PIK3AP1: variants seen among roughly 807,000 people sequenced by gnomAD.
PIK3AP1 encodes the protein phosphoinositide-3-kinase adaptor protein 1, also known as phosphoinositide 3-kinase adapter protein 1.
PIK3AP1 carries 21 observed loss-of-function variants against 88.1 expected under a neutral mutation model. The ratio of observed to expected loss-of-function variants is 0.24; its 90% CI spans 0.17 to 0.34. PIK3AP1 has a LOEUF of 0.34. Ranked by LOEUF, PIK3AP1 falls within the 10% of genes least tolerant of loss-of-function variation. PIK3AP1 has a pLI of 1.00. For missense variants in PIK3AP1, 828 were observed against 1,035.7 expected (o/e 0.80, Z 2.75); for synonymous variants, 398 against 400.0 (o/e 1.00, Z 0.06).
chr10:96,691,089 A>G (rs141476647), intron 2 of PIK3AP1, among the ~76,000 whole-genome samples: 2 of 152,228 alleles, frequency 1.3e-5, no homozygotes, highest in Non-Finnish European at 2.9e-5. Flanking sequence ...AGCTTGCTTA[A>G]TTCCTCTTTT....
chr10:96,657,294 G>T (rs1173853481), intron 2 of PIK3AP1, among the ~76,000 whole-genome samples: 2 of 152,160 alleles, frequency 1.3e-5, no homozygotes, highest in Non-Finnish European at 2.9e-5. Context: ...CCCCTTAGGT[G>T]GGTTCAAGTA....
chr10:96,717,665 G>A (rs767196216), intron 1 of PIK3AP1, among the ~76,000 whole-genome samples: 1 of 152,170 alleles, frequency 6.6e-6, no homozygotes, highest in Non-Finnish European at 1.5e-5. Flanking sequence ...GGCAAGAGAC[G>A]GTATGAGAGC....
chr10:96,628,315 C>A, intron 9 of PIK3AP1, 83 bp downstream of exon 9: 2 of 1,212,196 alleles, frequency 1.6e-6, no homozygotes. Context: ...TTGAGGGGAG[C>A]AACCCTCATA....
At chr10:96,641,444 G>A (rs1008701481) in intron 8 of PIK3AP1, among the ~76,000 whole-genome samples, 3 of 152,214 alleles carry the variant, frequency 2.0e-5, no homozygotes, top group African/African-American at 7.2e-5. Flanking sequence ...GAATCAGTGA[G>A]TGAGCAAGTG....
At chr10:96,662,867 C>A (rs1368897756) in intron 2 of PIK3AP1, among the ~76,000 whole-genome samples, 1 of 106,646 alleles carries the variant, frequency 9.4e-6, no homozygotes, top group Non-Finnish European at 1.7e-5. Context: ...CCCGCCTGGG[C>A]GACAGAGCGA....
chr10:96,663,265 T>C (rs558495518), intron 2 of PIK3AP1, among the ~76,000 whole-genome samples: 2 of 152,088 alleles, frequency 1.3e-5, no homozygotes, highest in Admixed American at 1.3e-4. Context: ...TCTGTGAATA[T>C]ACGAAAAAAA....
At chr10:96,649,871 C>A (rs911347074) in intron 6 of PIK3AP1, among the ~76,000 whole-genome samples, 8 of 152,334 alleles carry the variant, frequency 5.3e-5, no homozygotes, top group Admixed American at 2.6e-4. Flanking sequence ...CTACTGACAT[C>A]TGAATACAGC....
chr10:96,634,474 T>A (rs968092532), intron 8 of PIK3AP1, among the ~76,000 whole-genome samples: 9 of 152,196 alleles, frequency 5.9e-5, no homozygotes, highest in African/African-American at 2.2e-4. Context: ...GACTTTGATA[T>A]CTTGGAGACC....
chr10:96,605,273 C>A (rs1433420001), intron 14 of PIK3AP1, among the ~76,000 whole-genome samples: 1 of 152,166 alleles, frequency 6.6e-6, no homozygotes, highest in Non-Finnish European at 1.5e-5. Flanking sequence ...TCCAATAGAA[C>A]TTTCAGGGCA....
At chr10:96,671,244 T>G (rs2134253706) in intron 2 of PIK3AP1, among the ~76,000 whole-genome samples, 1 of 152,338 alleles carries the variant, frequency 6.6e-6, no homozygotes, top group South Asian at 2.1e-4. Flanking sequence ...ATTTGTGGGT[T>G]CACAGGGTTG....
intron 2 of PIK3AP1, among the ~76,000 whole-genome samples, chr10:96,689,575 CAAA>C (rs56828361): frequency 4.3e-5 from 3 of 70,434 alleles, no homozygotes; most frequent in Admixed American, 1.8e-4. Flanking sequence ...GACTCTGTCT[CAAA>C]AAAAAAAAAA....
intron 1 of PIK3AP1, among the ~76,000 whole-genome samples, chr10:96,717,986 G>A (rs1321799878): frequency 6.6e-6 from 1 of 152,162 alleles, no homozygotes; most frequent in Non-Finnish European, 1.5e-5. Flanking sequence ...AAAAAGGAAC[G>A]AAGTACTGAT....
In PIK3AP1 at chr10:96,628,865, CATATATACACATATAT is replaced by C. The variant is rs1490846850; in HGVS notation, c.1376-388_1376-373del. Among the ~76,000 whole-genome samples, 46 of 15,846 alleles carry C rather than the reference CATATATACACATATAT, an allele frequency of 2.9e-3. 2 individuals are homozygous for C. The highest frequency in any genetic ancestry group is 3.6e-3 in the African/African-American group (45 of 12,478). The allele number at this position is 15,846 out of a possible 152,430, so 10.4% of individuals were successfully genotyped here. A position where few individuals can be genotyped will look rare whatever the true frequency, so the allele number is the denominator to read the frequency against. On this transcript the variant is annotated intron_variant, in intron 8 of 16. Coordinates refer to ENST00000339364, the MANE Select transcript of PIK3AP1 (RefSeq NM_152309.3). ...ATATAAACATATATATACACACACA[CATATATACACATATAT>C]ATATATACATATATATATATATATA...
intron 6 of PIK3AP1, 94 bp from the exon 7 acceptor site, chr10:96,648,949 C>CA: frequency 9.3e-7 from 1 of 1,070,662 alleles, no homozygotes. Context: ...ACTAGCATGG[C>CA]AACAGAAAGC....
intron 11 of PIK3AP1, 118 bp downstream of exon 11, chr10:96,623,354 T>G: frequency 2.0e-6 from 2 of 1,008,164 alleles, no homozygotes; most frequent in South Asian, 3.0e-5. Context: ...TGAGCCATGA[T>G]GCCTGGCCTA....
chr10:96,628,889 C>CATATACATACAT (rs1554955371), intron 8 of PIK3AP1, among the ~76,000 whole-genome samples: 9 of 60,852 alleles, frequency 1.5e-4, no homozygotes, highest in Non-Finnish European at 2.2e-4. Flanking sequence ...TATATATATA[C>CATATACATACAT]ATATATATAT....
chr10:96,622,211 G>C (rs1036733790), intron 11 of PIK3AP1, among the ~76,000 whole-genome samples: 2 of 152,222 alleles, frequency 1.3e-5, no homozygotes, highest in Admixed American at 1.3e-4. Context: ...GGCTACCCTT[G>C]GGTTGTTCCT....
chr10:96,673,502 C>G (rs1252014144), intron 2 of PIK3AP1, among the ~76,000 whole-genome samples: 1 of 152,194 alleles, frequency 6.6e-6, no homozygotes, highest in Non-Finnish European at 1.5e-5. Flanking sequence ...CCACAGCCCC[C>G]CCCGAAAGGC....
chr10:96,651,653 T>C lies in PIK3AP1; in HGVS notation c.713-2A>G. ...GAGAAACGTTCCCAGATGAAAGGTC[T>C]GAACAGAAGAAAAGACACTATCAAA... On this transcript the variant is annotated splice_acceptor_variant, in intron 4 of 16. Coordinates refer to ENST00000339364, the MANE Select transcript of PIK3AP1 (RefSeq NM_152309.3). LOFTEE classifies it high-confidence loss of function. 1 of 1,612,864 alleles carries C rather than the reference T, an allele frequency of 6.2e-7. No homozygotes were observed.
Sources: allele counts gnomAD v4.1 joint callset (sites outside exome capture counted in the v4.1 genomes callset), GRCh38; gene constraint gnomAD v4.1.1; transcripts MANE v1.5; gene names NCBI Gene and HGNC (gene_info 2026-07-23, HGNC 2026-07-21).